The following PCDH15 variants were observed in gnomAD, a reference collection of about 807,000 sequenced individuals.
The protein encoded by PCDH15 is protocadherin-15.
Under a neutral mutation model 178.5 loss-of-function variants are expected in PCDH15, and 129 were observed. That is an observed-to-expected ratio of 0.72 (90% CI 0.63 to 0.84). PCDH15 has a LOEUF of 0.84. Among genes scored for constraint, PCDH15 ranks in the 40% least tolerant of loss-of-function variants. PCDH15 has a pLI of 0.00. For synonymous variants in PCDH15, 800 were observed against 732.0 expected (o/e 1.09, Z -1.50); for missense variants, 2,230 against 2,099.9 (o/e 1.06, Z -1.21).
intron 3 of PCDH15, among the ~76,000 whole-genome samples, chr10:54,471,676 G>A (rs917737187): frequency 6.6e-5 from 10 of 150,786 alleles, no homozygotes; most frequent in Admixed American, 6.6e-4. Flanking sequence ...ATAGAATATA[G>A]TTTCCTGCAT....
chr10:54,714,829 A>G (rs1010271546), intron 1 of PCDH15, among the ~76,000 whole-genome samples: 1 of 152,106 alleles, frequency 6.6e-6, no homozygotes, highest in African/African-American at 2.4e-5. Context: ...ATCTTCATGT[A>G]TTCTATTCAC....
intron 3 of PCDH15, among the ~76,000 whole-genome samples, chr10:54,836,039 A>C (rs77750013): frequency 6.6e-6 from 1 of 152,178 alleles, no homozygotes; most frequent in Non-Finnish European, 1.5e-5. Context: ...TGCTATAAAA[A>C]ACTGAAGGTT....
chr10:54,231,547 A>T (rs1351243507), intron 9 of PCDH15, among the ~76,000 whole-genome samples: 1 of 152,216 alleles, frequency 6.6e-6, no homozygotes, highest in Non-Finnish European at 1.5e-5. Context: ...GAGCTGTGAG[A>T]AGAAGGCAAC....
intron 2 of PCDH15, among the ~76,000 whole-genome samples, chr10:55,093,906 G>A (rs1591898180): frequency 6.6e-6 from 1 of 152,106 alleles, no homozygotes; most frequent in Non-Finnish European, 1.5e-5. Context: ...GTGCTGGAGA[G>A]GATGTGGAGA....
At chr10:54,967,295 T>C (rs1838816412) in intron 2 of PCDH15, among the ~76,000 whole-genome samples, 1 of 152,156 alleles carries the variant, frequency 6.6e-6, no homozygotes. Context: ...AAATTGCACA[T>C]ATTTTAAGAG....
intron 15 of PCDH15, among the ~76,000 whole-genome samples, chr10:54,101,047 C>T (rs2094802538): frequency 1.3e-5 from 2 of 152,064 alleles, no homozygotes; most frequent in Non-Finnish European, 2.9e-5. Context: ...TTAATTCCCA[C>T]GTGTTGTGGG....
chr10:54,892,635 T>C (rs1954482340), intron 3 of PCDH15, among the ~76,000 whole-genome samples: 1 of 151,338 alleles, frequency 6.6e-6, no homozygotes, highest in Non-Finnish European at 1.5e-5. Flanking sequence ...ACAAACAACA[T>C]TGAGATGCAT....
chr10:55,539,144 T>C (rs556276443), intron 2 of PCDH15, among the ~76,000 whole-genome samples: 2 of 151,834 alleles, frequency 1.3e-5, no homozygotes, highest in African/African-American at 2.4e-5. Context: ...TCCCCTTATA[T>C]TTATTTAACA....
chr10:54,576,400 T>C (rs1187810108), intron 2 of PCDH15, among the ~76,000 whole-genome samples: 1 of 152,172 alleles, frequency 6.6e-6, no homozygotes, highest in Non-Finnish European at 1.5e-5. Flanking sequence ...CCTTTAAAAG[T>C]GAGAATATTT....
chr10:54,901,590 C>A (rs1954640682), intron 2 of PCDH15, among the ~76,000 whole-genome samples: 1 of 152,014 alleles, frequency 6.6e-6, no homozygotes, highest in Non-Finnish European at 1.5e-5. Flanking sequence ...TTTACTCCTA[C>A]CTTAAATAAA....
intron 17 of PCDH15, among the ~76,000 whole-genome samples, chr10:54,078,800 T>G (rs2094388304): frequency 6.6e-6 from 1 of 152,170 alleles, no homozygotes; most frequent in African/African-American, 2.4e-5. Flanking sequence ...AAATAGAATT[T>G]ATCTTCTTTG....
At chr10:54,451,838 C>A (rs2076500841) in intron 3 of PCDH15, among the ~76,000 whole-genome samples, 1 of 151,872 alleles carries the variant, frequency 6.6e-6, no homozygotes, top group Non-Finnish European at 1.5e-5. Flanking sequence ...ACTGATTATG[C>A]AACTTTTTGT....
rs368939164 is a variant in PCDH15 at position 55,020,120 on chromosome 10, T to TTATA, written c.-79-122624_-79-122621dup. ...CTCTATATATAATATATATGTATAA[T>TTATA]TATATATATATATATAATTTCTTCT... On this transcript the variant is annotated intron_variant, in intron 2 of 5. Coordinates refer to the PCDH15 transcript ENST00000458638. Among the ~76,000 whole-genome samples, 8 of 147,274 alleles carry TTATA rather than the reference T, an allele frequency of 5.4e-5. No homozygotes were observed. In the East Asian group the frequency reaches 1.4e-3, roughly 25 times the overall value.
intron 2 of PCDH15, among the ~76,000 whole-genome samples, chr10:54,529,474 C>G (rs1183568477): frequency 6.6e-6 from 1 of 151,938 alleles, no homozygotes; most frequent in Non-Finnish European, 1.5e-5. Context: ...TTCCTCTGAA[C>G]AAAAACCTTA....
intron 3 of PCDH15, among the ~76,000 whole-genome samples, chr10:54,445,729 TA>T (rs1206027682): frequency 6.6e-6 from 1 of 151,580 alleles, no homozygotes; most frequent in Admixed American, 6.6e-5. Flanking sequence ...TTTTTTCTTA[TA>T]TTTTTCCTTC....
At position 54,550,408 on chromosome 10, in the gene PCDH15, T is replaced by A. The variant is rs539235242; in HGVS notation, c.92-22531A>T. ...GCAATTAAACTAAACATAATTTATATTTTAAAAATTATTTTTTGCCATTAT... is the reference window on the plus strand; with the variant it reads ...GCAATTAAACTAAACATAATTTATAATTTAAAAATTATTTTTTGCCATTAT... On this transcript the variant is annotated intron_variant, in intron 2 of 37. Transcript: ENST00000644397. Among the ~76,000 whole-genome samples the A allele has an allele frequency of 9.2e-5, 14 of 152,260 alleles. No individual in the cohort carries two copies. The East Asian group carries it at 2.1e-3, about 23-fold the overall frequency.
chr10:54,019,572 T>A (rs927134039), intron 20 of PCDH15, among the ~76,000 whole-genome samples: 2 of 152,152 alleles, frequency 1.3e-5, no homozygotes, highest in East Asian at 3.8e-4. Context: ...TCTACTTTTG[T>A]CTCTTAAAAA....
intron 2 of PCDH15, among the ~76,000 whole-genome samples, chr10:55,482,097 T>C (rs1264811512): frequency 6.6e-6 from 1 of 151,908 alleles, no homozygotes; most frequent in African/African-American, 2.4e-5. Context: ...TTTTGGCTTT[T>C]TTGATCTTTG....
intron 2 of PCDH15, among the ~76,000 whole-genome samples, chr10:55,026,242 A>G (rs998486469): frequency 1.3e-5 from 2 of 150,688 alleles, no homozygotes; most frequent in Non-Finnish European, 3.0e-5. Flanking sequence ...GCAACTGTTA[A>G]CATAGATAAT....
Sources: allele counts gnomAD v4.1 joint callset (sites outside exome capture counted in the v4.1 genomes callset), GRCh38; gene constraint gnomAD v4.1.1; transcripts MANE v1.5; gene names NCBI Gene and HGNC (gene_info 2026-07-23, HGNC 2026-07-21).